The following TTLL5 variants were observed in gnomAD, a reference collection of about 807,000 sequenced individuals.
TTLL5 encodes the protein tubulin polyglutamylase TTLL5.
Under a neutral mutation model 168.4 loss-of-function variants are expected in TTLL5, and 132 were observed. The observed-to-expected ratio is 0.78, with a 90% CI of 0.68 to 0.91. The LOEUF is 0.91. Ranked by LOEUF, TTLL5 falls within the 40% of genes least tolerant of loss-of-function variation. The pLI is 0.00. For missense variants in TTLL5, 1,545 were observed against 1,581.5 expected (o/e 0.98, Z 0.39); for synonymous variants, 546 against 558.6 (o/e 0.98, Z 0.32).
intron 27 of TTLL5, among the ~76,000 whole-genome samples, chr14:75,798,241 A>C (rs1369393122): frequency 6.6e-6 from 1 of 152,092 alleles, no homozygotes; most frequent in Non-Finnish European, 1.5e-5. Context: ...AAAGGTGTTC[A>C]TAGTAGCCTT....
chr14:75,835,888 A>C (rs891939009), intron 28 of TTLL5, among the ~76,000 whole-genome samples: 1 of 152,224 alleles, frequency 6.6e-6, no homozygotes, highest in African/African-American at 2.4e-5. Flanking sequence ...CCAAAAGACA[A>C]GTAATGATGC....
At chr14:75,750,114 C>G (rs189846894) in intron 17 of TTLL5, among the ~76,000 whole-genome samples, 60 of 152,114 alleles carry the variant, frequency 3.9e-4, no homozygotes, top group Non-Finnish European at 7.2e-4. Context: ...AGACTTGGGT[C>G]AGATATTCTG....
At chr14:75,863,530 A>G (rs995189390) in intron 28 of TTLL5, 137 bp from the exon 29 acceptor site, 4 of 826,864 alleles carry the variant, frequency 4.8e-6, no homozygotes, top group Non-Finnish European at 7.4e-6. Flanking sequence ...GAGTGAGATA[A>G]TATCACACAA....
At chr14:75,897,701 C>T (rs1239457743) in intron 30 of TTLL5, among the ~76,000 whole-genome samples, 1 of 152,044 alleles carries the variant, frequency 6.6e-6, no homozygotes, top group Admixed American at 6.6e-5. Flanking sequence ...GTCTCAAACT[C>T]CTGACTTCAG....
intron 31 of TTLL5, among the ~76,000 whole-genome samples, chr14:75,942,667 C>T (rs2034647796): frequency 6.6e-6 from 1 of 152,176 alleles, no homozygotes; most frequent in Non-Finnish European, 1.5e-5. Context: ...CTAGGTGATT[C>T]TCATAGTGCA....
At chr14:75,711,306 C>T (rs886179146) in intron 9 of TTLL5, 9 of 152,118 alleles carry the variant, frequency 5.9e-5, no homozygotes, top group South Asian at 2.1e-4. Context: ...CTGTTTTGCA[C>T]CACCAGGGGA....
chr14:75,927,379 T>A (rs956394358), intron 31 of TTLL5, among the ~76,000 whole-genome samples: 3 of 152,206 alleles, frequency 2.0e-5, no homozygotes, highest in Non-Finnish European at 2.9e-5. Flanking sequence ...CCGTTTTGTG[T>A]ATACAATAAA....
intron 28 of TTLL5, among the ~76,000 whole-genome samples, chr14:75,842,814 C>T (rs369780278): frequency 2.6e-5 from 4 of 152,078 alleles, no homozygotes; most frequent in South Asian, 2.1e-4. Context: ...GTAAACCCAG[C>T]GGCTTTTCAA....
chr14:75,663,042 T>C lies in TTLL5; in HGVS notation c.-95-13T>C, dbSNP rs1890860198. On this transcript the variant is annotated splice_polypyrimidine_tract_variant and intron_variant, in intron 1 of 31. Transcript: ENST00000298832. ...TTCAGGTCAATTGATCCAATCAAGT[T>C]GATTTCTTGCAGGAATCTGTGCCAT... The C allele has an allele frequency of 1.1e-6, 1 of 892,938 alleles. No homozygotes were observed. The highest frequency in any genetic ancestry group is 1.8e-6 in the Non-Finnish European group (1 of 543,914). 55.3% of individuals were successfully genotyped at this position (892,938 alleles called of 1,614,324 possible).
At chr14:75,929,183 G>A (rs916891450) in intron 31 of TTLL5, among the ~76,000 whole-genome samples, 1 of 152,134 alleles carries the variant, frequency 6.6e-6, no homozygotes, top group Non-Finnish European at 1.5e-5. Flanking sequence ...AATTAGCATA[G>A]CAGCAGCGTA....
At chr14:75,672,495 G>A (rs1345580877) in intron 3 of TTLL5, among the ~76,000 whole-genome samples, 3 of 151,806 alleles carry the variant, frequency 2.0e-5, no homozygotes, top group African/African-American at 4.8e-5. Context: ...CACCCGCCTC[G>A]GCCTCCCAAA....
In TTLL5 at chr14:75,735,216, C is replaced by G; in HGVS notation, c.1208C>G (p.Ala403Gly). Reference sequence around the variant, plus strand: ...TCAGGATTTGTGTGCCAAGATCCTGCCCAGCGGGCATCAACTCGGCCAATT... The same window carrying G: ...TCAGGATTTGTGTGCCAAGATCCTGGCCAGCGGGCATCAACTCGGCCAATT... Reference protein sequence around the residue: ...TVVGFVCQDPAQRASTRPIYP... With the variant: ...TVVGFVCQDPGQRASTRPIYP... The change falls in exon 15 of 32, where the codon GCC becomes GGC. Residue 403 changes from alanine (A) to glycine (G), a missense_variant. Transcript: ENST00000298832. 2.5e-6 allele frequency: 4 copies of G among 1,614,194 alleles called. No homozygotes were observed. The highest frequency in any genetic ancestry group is 3.3e-4 in the Middle Eastern group (2 of 6,062).
intron 27 of TTLL5, among the ~76,000 whole-genome samples, chr14:75,801,161 A>G (rs542647592): frequency 4.3e-4 from 66 of 152,276 alleles, no homozygotes; most frequent in Non-Finnish European, 8.2e-4. Flanking sequence ...AGAGTTAGGC[A>G]TGCCCAAGCT....
At chr14:75,732,028 A>T (rs1311687979) in intron 12 of TTLL5, 1 of 185,438 alleles carries the variant, frequency 5.4e-6, no homozygotes, top group Non-Finnish European at 1.1e-5. Context: ...TACGCCCATA[A>T]GCACAGCAGA....
At chr14:75,684,603 G>A (rs1884889310) in intron 5 of TTLL5, 1 of 152,158 alleles carries the variant, frequency 6.6e-6, no homozygotes. Flanking sequence ...TGGATGAATT[G>A]TATACTACAA....
chr14:75,874,525 C>CAA (rs1271483315), intron 29 of TTLL5, among the ~76,000 whole-genome samples: 1 of 152,188 alleles, frequency 6.6e-6, no homozygotes, highest in Non-Finnish European at 1.5e-5. Context: ...TCATCGGGTG[C>CAA]AAGCTGCTTT....
chr14:75,713,395 A>T (rs1887227690), intron 9 of TTLL5, among the ~76,000 whole-genome samples: 2 of 152,230 alleles, frequency 1.3e-5, no homozygotes, highest in South Asian at 4.1e-4. Context: ...CTAGGTGTGT[A>T]GTAGGCTATA....
intron 9 of TTLL5, among the ~76,000 whole-genome samples, chr14:75,716,898 T>C (rs1887507090): frequency 6.6e-6 from 1 of 152,194 alleles, no homozygotes; most frequent in Admixed American, 6.5e-5. Context: ...TTAATTCCTC[T>C]TTTGCCTTCA....
rs576753838 is a variant in TTLL5 at position 75,805,543 on chromosome 14, T to A, written c.3171+12443T>A. Among the ~76,000 whole-genome samples the A allele has an allele frequency of 3.3e-3, 503 of 152,352 alleles. 3 individuals carry two copies. The highest frequency in any genetic ancestry group is 0.011 in the African/African-American group (470 of 41,576). On this transcript the variant is annotated intron_variant, in intron 27 of 31. Transcript: ENST00000298832. Reference sequence around the variant, plus strand: ...TCCTTTTCCTGTGATTTCATCCTGGTACTTCTCTATGGATTTCTCCCAAGT... The same window carrying A: ...TCCTTTTCCTGTGATTTCATCCTGGAACTTCTCTATGGATTTCTCCCAAGT...
Sources: allele counts gnomAD v4.1 joint callset (sites outside exome capture counted in the v4.1 genomes callset), GRCh38; gene constraint gnomAD v4.1.1; transcripts MANE v1.5; gene names NCBI Gene and HGNC (gene_info 2026-07-23, HGNC 2026-07-21).